FNDC3B: variants seen among roughly 807,000 people sequenced by gnomAD.
FNDC3B encodes fibronectin type III domain containing 3B.
In FNDC3B, 12 loss-of-function variants were observed where a neutral mutation model predicts 151.5. That is an observed-to-expected ratio of 0.08 (90% CI 0.05 to 0.13). FNDC3B has a LOEUF of 0.13. Ranked by LOEUF, FNDC3B falls within the 10% of genes least tolerant of loss-of-function variation. The pLI is 1.00. For missense variants in FNDC3B, 1,214 were observed against 1,505.3 expected (o/e 0.81, Z 3.20); for synonymous variants, 528 against 549.0 (o/e 0.96, Z 0.54).
At chr3:172,209,266 G>A (rs1725599488) in intron 3 of FNDC3B, among the ~76,000 whole-genome samples, 1 of 152,180 alleles carries the variant, frequency 6.6e-6, no homozygotes, top group African/African-American at 2.4e-5. Flanking sequence ...GAGGGCGGGA[G>A]GGCTGTAGTG....
rs558164418 is a variant in FNDC3B at position 172,264,132 on chromosome 3, A to C, written c.790+12591A>C. 2.6e-5 allele frequency among the ~76,000 whole-genome samples: 4 copies of C among 152,230 alleles called. No homozygotes were observed. The South Asian group carries it at 8.3e-4, about 32-fold the overall frequency. ...CTTCTGAGCAGCTGGAACTACAGAC[A>C]TGTGCCACCCCACCTGGCTAATTCT... On this transcript the variant is annotated intron_variant, in intron 6 of 25. Transcript: ENST00000415807.
chr3:172,303,577 A>G (rs1731042276), intron 9 of FNDC3B, among the ~76,000 whole-genome samples: 1 of 152,234 alleles, frequency 6.6e-6, no homozygotes, highest in African/African-American at 2.4e-5. Context: ...AAGATTAATT[A>G]TATTGTTAGA....
intron 1 of FNDC3B, among the ~76,000 whole-genome samples, chr3:172,075,479 C>T (rs1717960691): frequency 6.6e-6 from 1 of 152,158 alleles, no homozygotes; most frequent in Non-Finnish European, 1.5e-5. Context: ...ATATCCCCTA[C>T]ACGTCAACAA....
At chr3:172,046,557 A>G (rs1424150173) in intron 1 of FNDC3B, among the ~76,000 whole-genome samples, 1 of 151,820 alleles carries the variant, frequency 6.6e-6, no homozygotes, top group African/African-American at 2.4e-5. Context: ...TTCTGGCTTG[A>G]AGCAATCCCC....
At chr3:172,100,622 T>C (rs1228234042) in intron 1 of FNDC3B, among the ~76,000 whole-genome samples, 1 of 152,224 alleles carries the variant, frequency 6.6e-6, no homozygotes, top group Non-Finnish European at 1.5e-5. Flanking sequence ...TTACACAGTA[T>C]GTCTTTGCAC....
intron 3 of FNDC3B, among the ~76,000 whole-genome samples, chr3:172,160,579 A>G (rs1463958485): frequency 6.6e-6 from 1 of 152,252 alleles, no homozygotes; most frequent in African/African-American, 2.4e-5. Flanking sequence ...TGGAACAGAG[A>G]AATTTACAGC....
At chr3:172,069,841 C>A (rs759947429) in intron 1 of FNDC3B, among the ~76,000 whole-genome samples, 1 of 152,080 alleles carries the variant, frequency 6.6e-6, no homozygotes, top group Non-Finnish European at 1.5e-5. Context: ...CAAGGTGATG[C>A]CTTATATTTA....
chr3:172,398,400 G>T lies in FNDC3B; in HGVS notation c.*925G>T, dbSNP rs1210230309. The T allele has an allele frequency of 6.6e-6, 1 of 152,636 alleles. No homozygotes were observed. The highest frequency in any genetic ancestry group is 1.5e-5 in the Non-Finnish European group (1 of 68,044). The allele number at this position is 152,636 out of a possible 1,614,324, so 9.5% of individuals were successfully genotyped here. On this transcript the variant is annotated 3_prime_UTR_variant, in exon 26 of 26. Coordinates refer to ENST00000415807, the MANE Select transcript of FNDC3B (RefSeq NM_022763.4). ...ATTGTCCATGATTTACACTAATTGTGAGCAGTCTTCTTATGTGTCAGCTCA... is the reference window on the plus strand; with the variant it reads ...ATTGTCCATGATTTACACTAATTGTTAGCAGTCTTCTTATGTGTCAGCTCA...
At chr3:172,386,636 G>A (rs1035094878) in intron 25 of FNDC3B, among the ~76,000 whole-genome samples, 1 of 151,836 alleles carries the variant, frequency 6.6e-6, no homozygotes, top group Non-Finnish European at 1.5e-5. Context: ...GAGCTACTTG[G>A]GAGGCTGAGG....
intron 3 of FNDC3B, among the ~76,000 whole-genome samples, chr3:172,226,070 G>A (rs1371045964): frequency 6.6e-6 from 1 of 152,106 alleles, no homozygotes; most frequent in African/African-American, 2.4e-5. Flanking sequence ...CACTTTGGGA[G>A]GCCAAGGCAG....
intron 11 of FNDC3B, among the ~76,000 whole-genome samples, chr3:172,327,704 A>G (rs977888151): frequency 1.3e-5 from 2 of 152,184 alleles, no homozygotes; most frequent in Non-Finnish European, 2.9e-5. Flanking sequence ...GCGCCCGGCC[A>G]GTGTGGTTGT....
At chr3:172,089,880 C>T (rs553682492) in intron 1 of FNDC3B, among the ~76,000 whole-genome samples, 6 of 152,142 alleles carry the variant, frequency 3.9e-5, no homozygotes, top group Non-Finnish European at 7.4e-5. Flanking sequence ...GGAATGAATT[C>T]CCAGGTCGGC....
intron 22 of FNDC3B, among the ~76,000 whole-genome samples, chr3:172,361,032 G>A (rs1734329009): frequency 6.6e-6 from 1 of 152,142 alleles, no homozygotes. Flanking sequence ...TACAAAAAGT[G>A]TGGTGCCAGC....
intron 11 of FNDC3B, among the ~76,000 whole-genome samples, chr3:172,327,727 C>T (rs1458057052): frequency 6.6e-6 from 1 of 152,144 alleles, no homozygotes; most frequent in Non-Finnish European, 1.5e-5. Flanking sequence ...TTAATGTGCT[C>T]ACCGTAGCAA....
intron 1 of FNDC3B, among the ~76,000 whole-genome samples, chr3:172,102,900 T>G (rs971500541): frequency 6.6e-6 from 1 of 152,236 alleles, no homozygotes; most frequent in Non-Finnish European, 1.5e-5. Flanking sequence ...CAAATTTCAC[T>G]GAAAATCTAT....
At position 172,397,252 on chromosome 3, in the gene FNDC3B, G is replaced by A. The variant is rs555965386; in HGVS notation, c.3392G>A (p.Cys1131Tyr). Residue 1131 changes from cysteine to tyrosine, a missense_variant, in exon 26 of 26, where the codon TGT becomes TAT. Physicochemically the swap from Cys to Tyr is radical, Grantham distance 194 (BLOSUM62 -2). Coordinates refer to ENST00000415807, the MANE Select transcript of FNDC3B (RefSeq NM_022763.4). ...TTCCGCGTATGTGCGTGTCGTCGCTGTTTAGACACCTCTCAGGAGCTAAGC... is the reference window on the plus strand; with the variant it reads ...TTCCGCGTATGTGCGTGTCGTCGCTATTTAGACACCTCTCAGGAGCTAAGC... Reference protein sequence around the residue: ...YRFRVCACRRCLDTSQELSGA... With the variant: ...YRFRVCACRRYLDTSQELSGA... The A allele has an allele frequency of 2.0e-5, 33 of 1,614,086 alleles. No individual in the cohort carries two copies. Among genetic ancestry groups the A allele is most frequent in the Non-Finnish European group, 2.7e-5 (32 of 1,180,036 alleles).
chr3:172,309,891 C>T (rs1212009472), intron 10 of FNDC3B, among the ~76,000 whole-genome samples: 1 of 152,202 alleles, frequency 6.6e-6, no homozygotes, highest in Non-Finnish European at 1.5e-5. Flanking sequence ...ATGCGACAAA[C>T]AGCCAAGGTA....
rs369012461 is a variant in FNDC3B at position 172,315,356 on chromosome 3, G to A, written c.1254+4475G>A. Among the ~76,000 whole-genome samples, 15 of 152,322 alleles carry A rather than the reference G, an allele frequency of 9.8e-5. No individual in the cohort carries two copies. In the East Asian group the frequency reaches 2.7e-3, roughly 27 times the overall value. ...TGCACCACTGCGCTCCAGCCTGGGC[G>A]ACAGAGCGAGACTTGTCTCTGAAAA... On this transcript the variant is annotated intron_variant, in intron 11 of 25. Transcript: ENST00000415807.
At chr3:172,062,662 C>G (rs1323960705) in intron 1 of FNDC3B, among the ~76,000 whole-genome samples, 1 of 151,958 alleles carries the variant, frequency 6.6e-6, no homozygotes, top group East Asian at 1.9e-4. Context: ...TGGCATTTTG[C>G]AATTTGAGCA....
Sources: gnomAD v4.1 joint callset for allele counts (sites outside exome capture counted in the v4.1 genomes callset) on GRCh38, gnomAD v4.1.1 for gene constraint, MANE v1.5 for transcripts, NCBI Gene and HGNC (gene_info 2026-07-23, HGNC 2026-07-21) for gene names.